DCLK2: variants seen among roughly 807,000 people sequenced by gnomAD.
DCLK2 encodes doublecortin like kinase 2.
In DCLK2, 31 loss-of-function variants were observed where a neutral mutation model predicts 78.4. The observed-to-expected ratio is 0.40, with a 90% CI of 0.30 to 0.53. The LOEUF is 0.53. DCLK2 is among the 20% of genes least tolerant of loss of function. The pLI is 0.61. For synonymous variants in DCLK2, 407 were observed against 374.9 expected (o/e 1.09, Z -0.99); for missense variants, 872 against 973.7 (o/e 0.90, Z 1.39).
chr4:150,182,817 T>C (rs1347072262), intron 2 of DCLK2, among the ~76,000 whole-genome samples: 6 of 152,210 alleles, frequency 3.9e-5, no homozygotes, highest in Non-Finnish European at 7.3e-5. Context: ...TTACTGGACT[T>C]CCTTTCTGAG....
intron 12 of DCLK2, 129 bp downstream of exon 12, chr4:150,240,605 G>C (rs1387720139): frequency 1.9e-6 from 1 of 532,572 alleles, no homozygotes; most frequent in East Asian, 3.3e-5. Flanking sequence ...TACATAAAAC[G>C]GGGGGAGGGG....
At chr4:150,091,545 A>T (rs974500265) in intron 1 of DCLK2, among the ~76,000 whole-genome samples, 2 of 152,182 alleles carry the variant, frequency 1.3e-5, no homozygotes, top group Non-Finnish European at 2.9e-5. Context: ...AGTTAGGCGT[A>T]GTCTCAGTGT....
At chr4:150,128,010 T>A (rs72965555) in intron 2 of DCLK2, among the ~76,000 whole-genome samples, 12,365 of 152,280 alleles carry the variant, frequency 0.081, 517 homozygotes, top group Admixed American at 0.093. Context: ...ATTGCAGGCA[T>A]CTAGAAATTC....
intron 2 of DCLK2, among the ~76,000 whole-genome samples, chr4:150,163,154 T>C (rs1476278021): frequency 6.6e-6 from 1 of 152,112 alleles, no homozygotes; most frequent in East Asian, 1.9e-4. Flanking sequence ...TTCCAGCACT[T>C]TGGGAGGCTG....
chr4:150,198,921 C>CCCCCTT, intron 4 of DCLK2: 1 of 605,952 alleles, frequency 1.7e-6, no homozygotes, highest in Non-Finnish European at 2.7e-6. Context: ...CCCCCCCCCC[C>CCCCCTT]ACTTTCTGTA....
At chr4:150,225,591 G>A (rs1473611926) in intron 8 of DCLK2, among the ~76,000 whole-genome samples, 1 of 152,088 alleles carries the variant, frequency 6.6e-6, no homozygotes, top group Admixed American at 6.5e-5. Flanking sequence ...ATTGAAATAG[G>A]CTGCTAAGTA....
At chr4:150,175,810 G>A (rs1452549697) in intron 2 of DCLK2, among the ~76,000 whole-genome samples, 1 of 152,178 alleles carries the variant, frequency 6.6e-6, no homozygotes, top group Non-Finnish European at 1.5e-5. Context: ...TCATGCTTTA[G>A]TAAGGTGGAA....
chr4:150,104,144 G>A (rs1176727459), intron 2 of DCLK2, among the ~76,000 whole-genome samples: 3 of 151,898 alleles, frequency 2.0e-5, no homozygotes, highest in African/African-American at 7.3e-5. Context: ...CATATAAACA[G>A]TAAATACAGA....
chr4:150,246,507 GTGAAGAAATTCCAAGA>G (rs1743322885), intron 12 of DCLK2, among the ~76,000 whole-genome samples: 1 of 152,180 alleles, frequency 6.6e-6, no homozygotes, highest in Non-Finnish European at 1.5e-5. Flanking sequence ...TGAAGGCTGG[GTGAAGAAATTCCAAGA>G]AAAGTTTGCA....
chr4:150,180,067 G>C (rs771116290), intron 2 of DCLK2, among the ~76,000 whole-genome samples: 18 of 152,124 alleles, frequency 1.2e-4, no homozygotes, highest in African/African-American at 4.3e-4. Flanking sequence ...AAAATTATCT[G>C]ACTTACCTCA....
chr4:150,117,240 G>A (rs771959741), intron 2 of DCLK2, among the ~76,000 whole-genome samples: 69 of 152,096 alleles, frequency 4.5e-4, no homozygotes, highest in Non-Finnish European at 9.4e-4. Context: ...AATAGCAGAC[G>A]GCAGTAATTC....
At chr4:150,101,418 A>C (rs1226274150) in intron 1 of DCLK2, among the ~76,000 whole-genome samples, 1 of 152,122 alleles carries the variant, frequency 6.6e-6, no homozygotes, top group Non-Finnish European at 1.5e-5. Flanking sequence ...TTTTCTCGGG[A>C]ATTCTCTTTC....
At position 150,249,638 on chromosome 4, in the gene DCLK2, C is replaced by T. The variant is rs181935788; in HGVS notation, c.2027C>T (p.Ala676Val). ...AAACTAAAACAGCACTTTAATAATG[C>T]GCTCCCCAAACAGAACAGCACTACC... is the stretch of plus-strand genomic sequence containing the variant. ...TGKLKQHFNN[A>V]LPKQNSTTTG... is the part of the protein sequence containing the mutation. Residue 676 changes from alanine (A) to valine (V), a missense_variant, in exon 15 of 16, where the codon GCG becomes GTG. Ala to Val is a moderately conservative substitution (Grantham distance 64). Around this residue, in one of 3 missense-constraint regions of DCLK2, gnomAD observed 219 missense variants for 230.1 expected, o/e 0.95. Transcript: ENST00000296550. 95 of 1,613,692 alleles carry T rather than the reference C, an allele frequency of 5.9e-5. No homozygotes were observed. Among genetic ancestry groups the T allele is most frequent in the South Asian group, 1.5e-4 (14 of 91,080 alleles).
At chr4:150,250,303 A>G (rs1743668301) in intron 15 of DCLK2, among the ~76,000 whole-genome samples, 1 of 152,146 alleles carries the variant, frequency 6.6e-6, no homozygotes, top group South Asian at 2.1e-4. Context: ...CAACTCTCCT[A>G]AATACATAAA....
chr4:150,187,911 C>G (rs1738078646), intron 2 of DCLK2, among the ~76,000 whole-genome samples: 1 of 151,904 alleles, frequency 6.6e-6, no homozygotes, highest in Non-Finnish European at 1.5e-5. Flanking sequence ...GCGATTCCCC[C>G]TGCTTCAGCC....
chr4:150,136,494 A>C (rs1382981302), intron 2 of DCLK2, among the ~76,000 whole-genome samples: 1 of 152,242 alleles, frequency 6.6e-6, no homozygotes, highest in Non-Finnish European at 1.5e-5. Flanking sequence ...AACTGGTGTC[A>C]TTAGATGGCA....
chr4:150,196,799 A>G (rs1739071200), intron 3 of DCLK2, among the ~76,000 whole-genome samples: 1 of 152,254 alleles, frequency 6.6e-6, no homozygotes, highest in Non-Finnish European at 1.5e-5. Context: ...TACTTTAGCA[A>G]TACTTACTTC....
intron 2 of DCLK2, among the ~76,000 whole-genome samples, chr4:150,110,654 G>T (rs111499454): frequency 1.3e-5 from 2 of 152,116 alleles, no homozygotes; most frequent in African/African-American, 4.8e-5. Flanking sequence ...CCACTTCTGA[G>T]TCTCTAAAGT....
At chr4:150,200,604 T>C (rs1029194999) in intron 4 of DCLK2, among the ~76,000 whole-genome samples, 1 of 152,210 alleles carries the variant, frequency 6.6e-6, no homozygotes, top group Non-Finnish European at 1.5e-5. Flanking sequence ...ACTTTAGCTA[T>C]GGTGTATTTG....
Sources: gnomAD v4.1 joint callset for allele counts (sites outside exome capture counted in the v4.1 genomes callset) on GRCh38, gnomAD v4.1.1 for gene constraint, gnomAD v4.1.1 regional missense constraint, MANE v1.5 for transcripts, NCBI Gene and HGNC (gene_info 2026-07-23, HGNC 2026-07-21) for gene names.